The following IGSF21 variants were observed in gnomAD, a reference collection of about 807,000 sequenced individuals.
IGSF21 encodes immunoglobin superfamily member 21.
IGSF21 carries 28 observed loss-of-function variants against 46.8 expected under a neutral mutation model. That is an observed-to-expected ratio of 0.60 (90% CI 0.44 to 0.82). The LOEUF is 0.82. Ranked by LOEUF, IGSF21 falls within the 40% of genes least tolerant of loss-of-function variation. The pLI, the probability that IGSF21 is intolerant of heterozygous loss-of-function variation, is 0.00. For missense variants in IGSF21, 624 were observed against 665.5 expected, an observed-to-expected ratio of 0.94 and a Z score of 0.69; for synonymous variants, 284 against 273.6, an observed-to-expected ratio of 1.04 and a Z score of -0.38.
intron 1 of IGSF21, among the ~76,000 whole-genome samples, chr1:18,169,403 C>G (rs945333359): frequency 3.3e-5 from 5 of 152,228 alleles, no homozygotes; most frequent in Admixed American, 3.3e-4. Context: ...CACCATTCCT[C>G]TAACCCCCGT....
chr1:18,167,494 GGGT>G (rs2086690923), intron 1 of IGSF21, among the ~76,000 whole-genome samples: 1 of 152,148 alleles, frequency 6.6e-6, no homozygotes, highest in African/African-American at 2.4e-5. Context: ...GGTTAGAAAA[GGGT>G]CTTGGGTGGT....
At chr1:18,325,312 G>A (rs1009445440) in intron 3 of IGSF21, among the ~76,000 whole-genome samples, 32 of 152,108 alleles carry the variant, frequency 2.1e-4, no homozygotes, top group Admixed American at 1.8e-3. Flanking sequence ...CCAAGCACTA[G>A]GCTCTGGTAT....
intron 1 of IGSF21, among the ~76,000 whole-genome samples, chr1:18,199,613 C>T (rs906574428): frequency 2.0e-5 from 3 of 152,106 alleles, no homozygotes; most frequent in African/African-American, 4.8e-5. Context: ...GGAAGCTGTG[C>T]CTGTGCCTCT....
At chr1:18,170,900 G>T (rs916544229) in intron 1 of IGSF21, among the ~76,000 whole-genome samples, 1 of 152,184 alleles carries the variant, frequency 6.6e-6, no homozygotes, top group African/African-American at 2.4e-5. Flanking sequence ...TTCAGGAAGG[G>T]CTTCATGGAG....
At chr1:18,321,797 C>T (rs576466004) in intron 3 of IGSF21, among the ~76,000 whole-genome samples, 6 of 152,260 alleles carry the variant, frequency 3.9e-5, no homozygotes, top group Middle Eastern at 3.4e-3. Flanking sequence ...ACATTTGGAC[C>T]GTAGCAGGTA....
At chr1:18,119,797 C>T (rs1464001133) in intron 1 of IGSF21, among the ~76,000 whole-genome samples, 1 of 151,896 alleles carries the variant, frequency 6.6e-6, no homozygotes, top group African/African-American at 2.4e-5. Flanking sequence ...TTTTCAGTCA[C>T]TCTCTGTTTA....
intron 2 of IGSF21, among the ~76,000 whole-genome samples, chr1:18,232,853 C>T (rs1455104057): frequency 6.6e-6 from 1 of 152,156 alleles, no homozygotes; most frequent in African/African-American, 2.4e-5. Context: ...CTCATGTGGG[C>T]ATCTGTGTAA....
intron 1 of IGSF21, among the ~76,000 whole-genome samples, chr1:18,144,100 G>A (rs1031410838): frequency 1.3e-5 from 2 of 152,174 alleles, no homozygotes; most frequent in African/African-American, 4.8e-5. Flanking sequence ...GAATGTCAGT[G>A]TCTACTCTGT....
At chr1:18,291,618 C>T (rs904924053) in intron 2 of IGSF21, among the ~76,000 whole-genome samples, 25 of 152,208 alleles carry the variant, frequency 1.6e-4, no homozygotes, top group African/African-American at 5.1e-4. Context: ...TCTTTCCTGC[C>T]GCAGGGCCTT....
intron 6 of IGSF21, among the ~76,000 whole-genome samples, chr1:18,366,653 G>C (rs1302256985): frequency 6.6e-6 from 1 of 152,170 alleles, no homozygotes; most frequent in Non-Finnish European, 1.5e-5. Flanking sequence ...ATAGGACATG[G>C]AAGGATATCA....
chr1:18,363,827 AG>A (rs2086130184), intron 5 of IGSF21, among the ~76,000 whole-genome samples: 1 of 150,682 alleles, frequency 6.6e-6, no homozygotes, highest in South Asian at 2.1e-4. Flanking sequence ...GGCACTGGGC[AG>A]GGGCACAGAG....
chr1:18,175,368 C>T (rs931455643), intron 1 of IGSF21, among the ~76,000 whole-genome samples: 3 of 152,186 alleles, frequency 2.0e-5, no homozygotes, highest in African/African-American at 7.2e-5. Context: ...AATACTAGGC[C>T]TCCCTATCTT....
rs554607311 is a variant in IGSF21, at chr1:18,378,425, C to T, written c.*99C>T. Reference sequence around the variant, plus strand: ...TCCAGTCTTGTTCTTAGTCTCTTTCCATCTGTGTCTTGGCTTCTTCAGTCG... The same window carrying T: ...TCCAGTCTTGTTCTTAGTCTCTTTCTATCTGTGTCTTGGCTTCTTCAGTCG... On this transcript the variant is annotated 3_prime_UTR_variant, in exon 10 of 10. Transcript: ENST00000251296. 2.3e-3 allele frequency: 2,404 copies of T among 1,027,190 alleles called. 7 individuals carry two copies. The highest frequency in any genetic ancestry group is 5.5e-3 in the South Asian group (382 of 69,622). The allele number at this position is 1,027,190 out of a possible 1,614,324, so 63.6% of individuals were successfully genotyped here.
intron 4 of IGSF21, among the ~76,000 whole-genome samples, chr1:18,341,012 C>CTCTTCTTCTTCTTCTTCTTCTTCTTCT (rs10536109): frequency 1.1e-4 from 9 of 85,088 alleles, no homozygotes; most frequent in African/African-American, 3.0e-4. Flanking sequence ...CCTCCTTCTT[C>CTCTTCTTCTTCTTCTTCTTCTTCTTCT]TCTTCTTCTT....
At chr1:18,143,192 G>A (rs572855939) in intron 1 of IGSF21, among the ~76,000 whole-genome samples, 158 of 152,328 alleles carry the variant, frequency 1.0e-3, no homozygotes, top group African/African-American at 3.6e-3. Context: ...CCAGGCAGCT[G>A]CTTGGAGTGC....
intron 2 of IGSF21, among the ~76,000 whole-genome samples, chr1:18,276,333 G>T (rs992968429): frequency 6.6e-6 from 1 of 152,132 alleles, no homozygotes; most frequent in African/African-American, 2.4e-5. Context: ...TGGCTAGAAG[G>T]CTGGCTCAGC....
intron 1 of IGSF21, among the ~76,000 whole-genome samples, chr1:18,146,036 G>C (rs1003497416): frequency 2.6e-5 from 4 of 152,270 alleles, no homozygotes; most frequent in South Asian, 2.1e-4. Flanking sequence ...TGGCTCTGCT[G>C]TGTGACCTTT....
intron 2 of IGSF21, among the ~76,000 whole-genome samples, chr1:18,267,769 A>G (rs1473114707): frequency 2.0e-5 from 3 of 152,222 alleles, no homozygotes; most frequent in African/African-American, 7.2e-5. Context: ...TGTGTCTTCT[A>G]GAACAGGCCT....
At position 18,365,796 on chromosome 1, in the gene IGSF21, G is replaced by C. The variant is rs755129232; in HGVS notation, c.1015+99G>C. ...CTGGGCTGAGGACAGCCATGGAAAGGGGGAGGAGATGGAGCAAACTGGAGT... is the reference window on the plus strand; with the variant it reads ...CTGGGCTGAGGACAGCCATGGAAAGCGGGAGGAGATGGAGCAAACTGGAGT... On this transcript the variant is annotated intron_variant, in intron 6 of 9. Coordinates refer to ENST00000251296, the MANE Select transcript of IGSF21 (RefSeq NM_032880.5). This position sits in a 1 kb window ranked among gnomAD's most constrained non-coding sequence, Gnocchi z 4.8. The C allele has an allele frequency of 1.1e-5, 11 of 1,044,006 alleles. No individual in the cohort carries two copies. The highest frequency in any genetic ancestry group is 2.6e-5 in the East Asian group (1 of 38,498). The allele number at this position is 1,044,006 out of a possible 1,614,324, so 64.7% of individuals were successfully genotyped here. A position where few individuals can be genotyped will look rare whatever the true frequency, so the allele number is the denominator to read the frequency against.
Sources: gnomAD v4.1 joint callset for allele counts (sites outside exome capture counted in the v4.1 genomes callset) on GRCh38, gnomAD v4.1.1 for gene constraint, Gnocchi (gnomAD v3.1) non-coding constraint, MANE v1.5 for transcripts, NCBI Gene and HGNC (gene_info 2026-07-23, HGNC 2026-07-21) for gene names.